The following MACROD2 variants were observed in gnomAD, a reference collection of about 807,000 sequenced individuals.
MACROD2 encodes the protein ADP-ribose glycohydrolase MACROD2.
A neutral mutation model predicts 70.4 loss-of-function variants in MACROD2; 36 were observed. The ratio of observed to expected loss-of-function variants is 0.51; its 90% CI spans 0.39 to 0.68. The LOEUF (loss-of-function observed/expected upper bound fraction) is 0.68, where lower values mean the gene tolerates loss of function less well. MACROD2 is among the 30% of genes least tolerant of loss of function. The pLI, the probability that MACROD2 is intolerant of heterozygous loss-of-function variation, is 0.00. For synonymous variants in MACROD2, 172 were observed against 178.8 expected, an observed-to-expected ratio of 0.96 and a Z score of 0.30; for missense variants, 496 against 538.4, an observed-to-expected ratio of 0.92 and a Z score of 0.78.
chr20:14,257,827 C>A (rs2082069962), intron 3 of MACROD2, among the ~76,000 whole-genome samples: 1 of 152,136 alleles, frequency 6.6e-6, no homozygotes, highest in East Asian at 1.9e-4. Context: ...GCTTTTGGTG[C>A]ACGCATCATC....
At chr20:15,420,906 T>A (rs1344167135) in intron 6 of MACROD2, among the ~76,000 whole-genome samples, 1 of 152,108 alleles carries the variant, frequency 6.6e-6, no homozygotes, top group Non-Finnish European at 1.5e-5. Flanking sequence ...GATAGCATAG[T>A]GAGACCCTCG....
chr20:14,536,207 T>G (rs6079481), intron 4 of MACROD2, among the ~76,000 whole-genome samples: 32,388 of 152,042 alleles, frequency 0.21, 4,274 homozygotes, highest in African/African-American at 0.36. Context: ...TCCAGTGATC[T>G]CCATTTAATA....
intron 4 of MACROD2, among the ~76,000 whole-genome samples, chr20:14,599,972 G>C (rs955348235): frequency 9.9e-5 from 15 of 152,072 alleles, no homozygotes; most frequent in Non-Finnish European, 1.6e-4. Flanking sequence ...GTGGTGAAAG[G>C]ACATAGAGGT....
intron 5 of MACROD2, among the ~76,000 whole-genome samples, chr20:14,863,839 G>A (rs1020163679): frequency 2.0e-5 from 3 of 152,022 alleles, no homozygotes; most frequent in Non-Finnish European, 1.5e-5. Flanking sequence ...GCTAGAAAGC[G>A]GCCAAGCCAG....
intron 8 of MACROD2, among the ~76,000 whole-genome samples, chr20:15,799,914 C>G (rs1223172827): frequency 6.6e-6 from 1 of 152,190 alleles, no homozygotes; most frequent in Non-Finnish European, 1.5e-5. Context: ...TCCCTTTTCT[C>G]TGCATCCTTG....
chr20:15,102,970 A>T (rs2075884515), intron 5 of MACROD2, among the ~76,000 whole-genome samples: 1 of 152,136 alleles, frequency 6.6e-6, no homozygotes, highest in African/African-American at 2.4e-5. Context: ...CCTTTATAAA[A>T]TGTTTAAAAC....
intron 8 of MACROD2, among the ~76,000 whole-genome samples, chr20:15,605,716 A>G (rs1288287154): frequency 6.6e-6 from 1 of 152,166 alleles, no homozygotes; most frequent in Non-Finnish European, 1.5e-5. Flanking sequence ...AGTAGTTCTA[A>G]TGAGTTTTGT....
chr20:15,578,867 G>T (rs2048485720), intron 8 of MACROD2, among the ~76,000 whole-genome samples: 2 of 152,022 alleles, frequency 1.3e-5, no homozygotes, highest in South Asian at 4.2e-4. Context: ...TCTTATTTGT[G>T]GTAATAAGGC....
At chr20:14,682,335 A>G (rs1003879809) in intron 4 of MACROD2, among the ~76,000 whole-genome samples, 1 of 151,968 alleles carries the variant, frequency 6.6e-6, no homozygotes, top group Non-Finnish European at 1.5e-5. Flanking sequence ...TTTCCCTTAT[A>G]CAGTAATCTC....
chr20:15,605,806 A>G (rs1160045626), intron 8 of MACROD2, among the ~76,000 whole-genome samples: 7 of 152,156 alleles, frequency 4.6e-5, no homozygotes, highest in African/African-American at 1.7e-4. Context: ...CTCACTTTCC[A>G]TCATGTCCGC....
At chr20:14,532,090 T>A (rs2085312516) in intron 4 of MACROD2, among the ~76,000 whole-genome samples, 1 of 152,194 alleles carries the variant, frequency 6.6e-6, no homozygotes, top group Non-Finnish European at 1.5e-5. Context: ...CACATTTACT[T>A]CATACTTCCC....
intron 3 of MACROD2, among the ~76,000 whole-genome samples, chr20:14,370,424 T>C (rs2083311236): frequency 6.6e-6 from 1 of 152,218 alleles, no homozygotes; most frequent in African/African-American, 2.4e-5. Context: ...ATACCAAAAT[T>C]TAGGATAAAA....
At chr20:14,203,383 A>G (rs1174527506) in intron 3 of MACROD2, among the ~76,000 whole-genome samples, 1 of 151,922 alleles carries the variant, frequency 6.6e-6, no homozygotes, top group East Asian at 1.9e-4. Context: ...GGAATTTCAT[A>G]GATTTTTTTT....
At chr20:14,883,277 C>T (rs1479611122) in intron 5 of MACROD2, among the ~76,000 whole-genome samples, 1 of 152,064 alleles carries the variant, frequency 6.6e-6, no homozygotes, top group Non-Finnish European at 1.5e-5. Context: ...CATATCTAAC[C>T]TTTCTTAAGC....
At chr20:14,317,262 G>A (rs775554425) in intron 3 of MACROD2, among the ~76,000 whole-genome samples, 1 of 152,166 alleles carries the variant, frequency 6.6e-6, no homozygotes, top group Non-Finnish European at 1.5e-5. Flanking sequence ...ATAGCACCAT[G>A]TTTTTCTCTT....
chr20:14,304,344 G>C (rs1470524557), intron 3 of MACROD2, among the ~76,000 whole-genome samples: 2 of 152,164 alleles, frequency 1.3e-5, no homozygotes, highest in Non-Finnish European at 2.9e-5. Context: ...TACTTTCCCA[G>C]GTTCAGGTAG....
At chr20:14,205,536 A>C (rs1296687270) in intron 3 of MACROD2, among the ~76,000 whole-genome samples, 1 of 152,192 alleles carries the variant, frequency 6.6e-6, no homozygotes, top group Non-Finnish European at 1.5e-5. Context: ...TCCGGTGCGC[A>C]TGCGGGCCCT....
chr20:14,916,714 T>C (rs1260714741), intron 5 of MACROD2, among the ~76,000 whole-genome samples: 1 of 152,136 alleles, frequency 6.6e-6, no homozygotes, highest in Non-Finnish European at 1.5e-5. Flanking sequence ...TATAATTCTC[T>C]CAACTTTTCT....
chr20:15,743,812 C>T (rs746188805), intron 8 of MACROD2, among the ~76,000 whole-genome samples: 2 of 152,168 alleles, frequency 1.3e-5, no homozygotes, highest in Non-Finnish European at 2.9e-5. Flanking sequence ...GCACAACTCA[C>T]TCTTCTTTCT....
Sources: allele counts gnomAD v4.1 joint callset (sites outside exome capture counted in the v4.1 genomes callset), GRCh38; gene constraint gnomAD v4.1.1; transcripts MANE v1.5; gene names NCBI Gene and HGNC (gene_info 2026-07-23, HGNC 2026-07-21).